MAPK4: variants seen among roughly 807,000 people sequenced by gnomAD.
MAPK4 encodes the protein mitogen-activated protein kinase 4, also known as Erk3-related.
MAPK4 carries 22 observed loss-of-function variants against 47.7 expected under a neutral mutation model. That is an observed-to-expected ratio of 0.46 (90% CI 0.33 to 0.66). The LOEUF (loss-of-function observed/expected upper bound fraction) is 0.66. Ranked by LOEUF, MAPK4 falls within the 30% of genes least tolerant of loss-of-function variation. The pLI, the probability that MAPK4 is intolerant of heterozygous loss-of-function variation, is 0.02. For synonymous variants in MAPK4, 390 were observed against 365.7 expected, an observed-to-expected ratio of 1.07 and a Z score of -0.76; for missense variants, 736 against 831.7, an observed-to-expected ratio of 0.88 and a Z score of 1.42.
intron 2 of MAPK4, among the ~76,000 whole-genome samples, chr18:50,699,955 G>A (rs1909698292): frequency 6.6e-6 from 1 of 152,212 alleles, no homozygotes; most frequent in African/African-American, 2.4e-5. Flanking sequence ...ACATGGGTAT[G>A]TATCATCAAC....
intron 4 of MAPK4, among the ~76,000 whole-genome samples, chr18:50,725,621 C>A (rs569891083): frequency 2.0e-5 from 3 of 152,334 alleles, no homozygotes; most frequent in African/African-American, 7.2e-5. Context: ...CCCTCACTCC[C>A]CCACCTGTGC....
At chr18:50,663,041 G>A (rs1468400113) in intron 1 of MAPK4, 48 bp from the exon 2 acceptor site, 2 of 152,284 alleles carry the variant, frequency 1.3e-5, no homozygotes, top group African/African-American at 4.8e-5. Flanking sequence ...GTGGGAAGGT[G>A]TTGGAAGCCG....
At chr18:50,615,425 G>A (rs769192462) in intron 1 of MAPK4, among the ~76,000 whole-genome samples, 5 of 152,176 alleles carry the variant, frequency 3.3e-5, no homozygotes, top group Non-Finnish European at 7.3e-5. Flanking sequence ...CTTTTCCTGA[G>A]ATATTGTCCT....
intron 1 of MAPK4, among the ~76,000 whole-genome samples, chr18:50,662,559 A>G (rs774334494): frequency 2.0e-5 from 3 of 152,386 alleles, no homozygotes; most frequent in Non-Finnish European, 4.4e-5. Flanking sequence ...TCTTCAACTT[A>G]CGTGGAAAGC....
chr18:50,664,956 C>G lies in MAPK4; in HGVS notation c.546+452C>G, dbSNP rs948649079. 1.3e-5 allele frequency among the ~76,000 whole-genome samples: 2 copies of G among 152,192 alleles called. No homozygotes were observed. Among genetic ancestry groups the G allele is most frequent in the Admixed American group, 6.5e-5 (1 of 15,276 alleles). On this transcript the variant is annotated intron_variant, in intron 2 of 5. Coordinates refer to ENST00000400384, the MANE Select transcript of MAPK4 (RefSeq NM_002747.4). The surrounding 1 kb of genome is among the most constrained non-coding windows in gnomAD (Gnocchi z 6.0). ...TCTCACCTCCCTCATCCCATCCAAG[C>G]TGACCCATTCGGTGTCCATTTCTCT...
intron 1 of MAPK4, among the ~76,000 whole-genome samples, chr18:50,656,928 A>T (rs1210569894): frequency 6.6e-6 from 1 of 152,198 alleles, no homozygotes; most frequent in Admixed American, 6.5e-5. Flanking sequence ...CAAAGCAAAA[A>T]TGTCTTAAAC....
At chr18:50,725,441 G>A (rs564499453) in intron 4 of MAPK4, among the ~76,000 whole-genome samples, 9 of 152,264 alleles carry the variant, frequency 5.9e-5, no homozygotes, top group South Asian at 2.1e-4. Flanking sequence ...AGGCTCCTCC[G>A]TCCCATTCCA....
intron 1 of MAPK4, among the ~76,000 whole-genome samples, chr18:50,654,706 T>C (rs1471402772): frequency 6.6e-6 from 1 of 152,166 alleles, no homozygotes; most frequent in Non-Finnish European, 1.5e-5. Context: ...GCCTTCAGCC[T>C]GGGCAGGGGC....
At chr18:50,569,235 C>T (rs1344530784) in intron 1 of MAPK4, among the ~76,000 whole-genome samples, 2 of 152,158 alleles carry the variant, frequency 1.3e-5, no homozygotes, top group Non-Finnish European at 2.9e-5. Flanking sequence ...TCTCTGAAAT[C>T]AGTATGTGTT....
chr18:50,691,987 C>A (rs961310358), intron 2 of MAPK4, among the ~76,000 whole-genome samples: 5 of 152,146 alleles, frequency 3.3e-5, no homozygotes, highest in African/African-American at 1.2e-4. Context: ...TTTCAAAATT[C>A]TTTGATAGAT....
At chr18:50,627,301 G>T (rs948972111) in intron 1 of MAPK4, among the ~76,000 whole-genome samples, 1 of 152,222 alleles carries the variant, frequency 6.6e-6, no homozygotes, top group Non-Finnish European at 1.5e-5. Context: ...CCGAAGGAAG[G>T]ATTCCCCTCA....
intron 1 of MAPK4, among the ~76,000 whole-genome samples, chr18:50,649,488 G>A (rs913463322): frequency 6.6e-6 from 1 of 152,150 alleles, no homozygotes; most frequent in East Asian, 1.9e-4. Context: ...CTCCAGGTGG[G>A]AAGTGATCAA....
At chr18:50,633,837 C>G (rs1195389265) in intron 1 of MAPK4, among the ~76,000 whole-genome samples, 1 of 152,082 alleles carries the variant, frequency 6.6e-6, no homozygotes, top group Non-Finnish European at 1.5e-5. Flanking sequence ...TGGAGAATTG[C>G]GAGACTATAG....
At chr18:50,638,005 G>T (rs2042902752) in intron 1 of MAPK4, among the ~76,000 whole-genome samples, 2 of 152,246 alleles carry the variant, frequency 1.3e-5, no homozygotes, top group Non-Finnish European at 2.9e-5. Flanking sequence ...ATACAAGTCA[G>T]TCTAACAAGT....
intron 1 of MAPK4, among the ~76,000 whole-genome samples, chr18:50,658,579 T>G (rs568488735): frequency 1.4e-4 from 21 of 152,368 alleles, no homozygotes; most frequent in African/African-American, 5.0e-4. Context: ...ATCTTCATCA[T>G]GTCCTCTTTA....
At chr18:50,625,444 C>G (rs563920095) in intron 1 of MAPK4, among the ~76,000 whole-genome samples, 5 of 152,304 alleles carry the variant, frequency 3.3e-5, no homozygotes, top group East Asian at 1.9e-4. Flanking sequence ...CTAGCTTCCT[C>G]CCTCCAAAGA....
intron 1 of MAPK4, among the ~76,000 whole-genome samples, chr18:50,652,209 G>T (rs374609721): frequency 1.1e-3 from 161 of 152,306 alleles, no homozygotes; most frequent in African/African-American, 3.6e-3. Context: ...TGACAGCCCC[G>T]TATGGTCCAG....
rs975673976 is a variant in MAPK4 at position 50,730,209 on chromosome 18, C to T, written c.*355C>T. ...CAGAGGTAGCTCCGAAACCATCTGGCCCAACTAGCCTCAACTGACAGCTGA... is the reference window on the plus strand; with the variant it reads ...CAGAGGTAGCTCCGAAACCATCTGGTCCAACTAGCCTCAACTGACAGCTGA... On this transcript the variant is annotated 3_prime_UTR_variant, in exon 6 of 6. Coordinates refer to ENST00000400384, the MANE Select transcript of MAPK4 (RefSeq NM_002747.4). 1 of 186,930 alleles carries T rather than the reference C, an allele frequency of 5.3e-6. No individual in the cohort carries two copies. The highest frequency in any genetic ancestry group is 1.3e-4 in the East Asian group (1 of 7,446). 11.6% of individuals were successfully genotyped at this position (186,930 alleles called of 1,614,324 possible).
At position 50,722,093 on chromosome 18, in the gene MAPK4, A is replaced by G. The variant is rs200724420; in HGVS notation, c.847A>G (p.Ser283Gly). 196 of 1,611,320 alleles carry G rather than the reference A, an allele frequency of 1.2e-4. No homozygotes were observed. The African/African-American group carries it at 2.2e-3, about 18-fold the overall frequency. The change falls in exon 4 of 6, where the codon AGT (serine) becomes GGT (glycine). Residue 283 changes from serine (S) to glycine (G), a missense_variant. By Grantham distance (56) the Ser-to-Gly change is moderately conservative. Transcript: ENST00000400384. ...GCGCAAGCTGCTCCCTGAAGTGAAC[A>G]GTGAAGGTACCTGAGCCTGGCAGCC... ...PLRKLLPEVN[S>G]EAIDFLEKIL...
Sources: allele counts gnomAD v4.1 joint callset (sites outside exome capture counted in the v4.1 genomes callset), GRCh38; gene constraint gnomAD v4.1.1; non-coding constraint Gnocchi (gnomAD v3.1); transcripts MANE v1.5; gene names NCBI Gene and HGNC (gene_info 2026-07-23, HGNC 2026-07-21).